Variants in ASXL3 observed in about 807,000 individuals in gnomAD.
The protein encoded by ASXL3 is ASXL transcriptional regulator 3, also known as putative Polycomb group protein ASXL3.
Under a neutral mutation model 170.6 loss-of-function variants are expected in ASXL3, and 34 were observed. The observed-to-expected ratio is 0.20, with a 90% CI of 0.15 to 0.27. The LOEUF (loss-of-function observed/expected upper bound fraction) is 0.27. Ranked by LOEUF, ASXL3 falls within the 10% of genes least tolerant of loss-of-function variation. The pLI is 1.00. For missense variants in ASXL3, 2,592 were observed against 2,695.3 expected, an observed-to-expected ratio of 0.96 and a Z score of 0.85; for synonymous variants, 1,002 against 989.1, an observed-to-expected ratio of 1.01 and a Z score of -0.24.
At chr18:33,621,815 A>T (rs991507714) in intron 2 of ASXL3, among the ~76,000 whole-genome samples, 1 of 152,184 alleles carries the variant, frequency 6.6e-6, no homozygotes, top group Non-Finnish European at 1.5e-5. Flanking sequence ...ATTTGTCTGT[A>T]GACAATTTGA....
chr18:33,737,903 CTATTA>C (rs1282720069), intron 10 of ASXL3, among the ~76,000 whole-genome samples: 1 of 151,994 alleles, frequency 6.6e-6, no homozygotes, highest in African/African-American at 2.4e-5. Context: ...ATATAATTTT[CTATTA>C]TAAGAGCATC....
chr18:33,707,428 C>T (rs113305764), intron 8 of ASXL3, among the ~76,000 whole-genome samples: 114 of 151,966 alleles, frequency 7.5e-4, no homozygotes, highest in South Asian at 6.6e-3. Flanking sequence ...AAAGGTAGTA[C>T]ATCATTTGAT....
At chr18:33,697,742 G>A (rs1206376056) in intron 8 of ASXL3, among the ~76,000 whole-genome samples, 2 of 152,014 alleles carry the variant, frequency 1.3e-5, no homozygotes, top group African/African-American at 4.8e-5. Flanking sequence ...AGTGACTCAT[G>A]CCTGTAATCC....
intron 7 of ASXL3, among the ~76,000 whole-genome samples, chr18:33,672,122 T>C (rs1319508813): frequency 6.6e-6 from 1 of 152,172 alleles, no homozygotes; most frequent in Non-Finnish European, 1.5e-5. Context: ...AAATGATACA[T>C]GTAAAATAAT....
chr18:33,589,922 C>T (rs921845493), intron 1 of ASXL3, among the ~76,000 whole-genome samples: 1 of 151,978 alleles, frequency 6.6e-6, no homozygotes, highest in African/African-American at 2.4e-5. Flanking sequence ...ATATTATTCA[C>T]ATTTGTCAAA....
chr18:33,744,710 T>C lies in ASXL3; in HGVS notation c.4862T>C (p.Leu1621Pro). ...GGGATGAGGAGCACAGGACAGCCTC[T>C]GGTTACTCACTCGGGTTCAAGTAAA... ...DDGMRSTGQP[L>P]VTHSGSSKQK... Residue 1621 changes from leucine to proline, a missense_variant, in exon 12 of 12, where the codon CTG becomes CCG. Leu to Pro is a moderately conservative substitution (Grantham distance 98). Transcript: ENST00000269197. 1 of 1,612,808 alleles carries C rather than the reference T, an allele frequency of 6.2e-7. No individual in the cohort carries two copies. Among genetic ancestry groups the C allele is most frequent in the Non-Finnish European group, 8.5e-7 (1 of 1,179,272 alleles).
At chr18:33,705,234 C>A (rs375168758) in intron 8 of ASXL3, among the ~76,000 whole-genome samples, 9 of 151,636 alleles carry the variant, frequency 5.9e-5, no homozygotes, top group East Asian at 5.8e-4. Context: ...AACAATGAAG[C>A]TACCATTTAT....
At chr18:33,737,411 T>C (rs1434817919) in intron 10 of ASXL3, among the ~76,000 whole-genome samples, 1 of 152,152 alleles carries the variant, frequency 6.6e-6, no homozygotes, top group African/African-American at 2.4e-5. Context: ...ATCTTTCTCA[T>C]TGCCTTTACG....
intron 5 of ASXL3, among the ~76,000 whole-genome samples, chr18:33,666,173 G>A (rs1232642840): frequency 6.6e-6 from 1 of 151,976 alleles, no homozygotes; most frequent in African/African-American, 2.4e-5. Flanking sequence ...TTCTGATATT[G>A]CTTCTTTCTG....
chr18:33,650,195 G>T (rs2065975700), intron 4 of ASXL3, among the ~76,000 whole-genome samples: 1 of 152,128 alleles, frequency 6.6e-6, no homozygotes, highest in Non-Finnish European at 1.5e-5. Flanking sequence ...CATATTAGCA[G>T]CTAACATATT....
chr18:33,732,848 G>A lies in ASXL3; in HGVS notation c.976+784G>A, dbSNP rs563771936. On this transcript the variant is annotated intron_variant, in intron 9 of 11. Transcript: ENST00000269197. The stretch of plus-strand genomic sequence containing the variant: ...TGCACTCTAGCCAAGGCAACAGAGT[G>A]ACACCCTGTCTCAAAAAAAAAAAAA... 2.9e-4 allele frequency among the ~76,000 whole-genome samples: 36 copies of A among 126,288 alleles called. No individual in the cohort carries two copies. The East Asian group carries it at 9.5e-3, about 33-fold the overall frequency. The allele number at this position is 126,288 out of a possible 152,430, so 82.8% of individuals were successfully genotyped here.
rs1375204546 is a variant in ASXL3, at chr18:33,744,443, G to A, written c.4595G>A (p.Gly1532Asp). ...AGGCCTGAGCCAGTTGCCAACGAAG[G>A]TATAGATCACAGTTCCACTTTCATT... is the stretch of plus-strand genomic sequence containing the variant. ...ISRPEPVANE[G>D]IDHSSTFIAA... is the part of the protein sequence containing the mutation. The change falls in exon 12 of 12, where the codon GGT becomes GAT. Residue 1532 changes from glycine to aspartate, a missense_variant. Physicochemically the swap from Gly to Asp is moderately conservative, Grantham distance 94 (BLOSUM62 -1). This residue lies in a region of ASXL3 where 2,246 missense variants were observed against 2,219.6 expected (regional missense o/e 1.01). Transcript: ENST00000269197. 4 of 1,613,524 alleles carry A rather than the reference G, an allele frequency of 2.5e-6. No individual in the cohort carries two copies. The highest frequency in any genetic ancestry group is 4.5e-5 in the East Asian group (2 of 44,872).
intron 8 of ASXL3, among the ~76,000 whole-genome samples, chr18:33,705,764 G>A (rs959485606): frequency 1.3e-5 from 2 of 151,904 alleles, no homozygotes; most frequent in Non-Finnish European, 2.9e-5. Flanking sequence ...AATGCAGCAT[G>A]CATACAGATA....
chr18:33,648,473 G>A (rs1282898995), intron 4 of ASXL3, among the ~76,000 whole-genome samples: 1 of 152,070 alleles, frequency 6.6e-6, no homozygotes, highest in Non-Finnish European at 1.5e-5. Flanking sequence ...GAATCTTCAA[G>A]GGAACCAGTT....
chr18:33,704,060 T>A (rs1419036977), intron 8 of ASXL3, among the ~76,000 whole-genome samples: 1 of 152,120 alleles, frequency 6.6e-6, no homozygotes, highest in Non-Finnish European at 1.5e-5. Context: ...GCCAAAGGCA[T>A]TTGTTAAATA....
chr18:33,671,957 G>T, intron 7 of ASXL3, 91 bp downstream of exon 7: 1 of 1,270,436 alleles, frequency 7.9e-7, no homozygotes, highest in Non-Finnish European at 1.1e-6. Context: ...ATTTTTTAAT[G>T]ATTAAACAAG....
At chr18:33,647,259 C>T (rs954371759) in intron 4 of ASXL3, among the ~76,000 whole-genome samples, 1 of 152,052 alleles carries the variant, frequency 6.6e-6, no homozygotes, top group Non-Finnish European at 1.5e-5. Flanking sequence ...TCACTGAATG[C>T]TCTCTTTAAA....
At chr18:33,672,813 C>T (rs902417107) in intron 7 of ASXL3, among the ~76,000 whole-genome samples, 1 of 151,916 alleles carries the variant, frequency 6.6e-6, no homozygotes, top group African/African-American at 2.4e-5. Context: ...TTGTCAGTTG[C>T]TACTATATGA....
intron 8 of ASXL3, among the ~76,000 whole-genome samples, chr18:33,694,167 A>G (rs936467201): frequency 6.6e-6 from 1 of 152,124 alleles, no homozygotes; most frequent in Admixed American, 6.6e-5. Flanking sequence ...TCTTCCCTCA[A>G]TCCCCCTTAT....
Sources: allele counts gnomAD v4.1 joint callset (sites outside exome capture counted in the v4.1 genomes callset), GRCh38; gene constraint gnomAD v4.1.1; regional missense constraint gnomAD v4.1.1; transcripts MANE v1.5; gene names NCBI Gene and HGNC (gene_info 2026-07-23, HGNC 2026-07-21).